HCCS: variants seen among roughly 807,000 people sequenced by gnomAD.
The protein encoded by HCCS is holocytochrome c-type synthase.
HCCS carries 2 observed loss-of-function variants against 24.2 expected under a neutral mutation model. The ratio of observed to expected loss-of-function variants is 0.08; its 90% confidence interval spans 0.03 to 0.26. HCCS has a LOEUF of 0.26. HCCS is among the 10% of genes least tolerant of loss of function. The probability of loss-of-function intolerance (pLI) is 1.00; values close to 1 mark genes in which losing one functional copy is unlikely to be tolerated. For missense variants in HCCS, 150 were observed against 213.3 expected (o/e 0.70, Z 1.85); for synonymous variants, 73 against 76.2 (o/e 0.96, Z 0.22).
intron 3 of HCCS, among the ~76,000 whole-genome samples, chrX:11,116,732 G>T (rs911406367): frequency 8.9e-6 from 1 of 112,559 alleles, no homozygotes; most frequent in African/African-American, 3.2e-5. Flanking sequence ...TGACCCACAT[G>T]TCTGGGAGAA....
rs751458949 is a variant in HCCS, at chrX:11,121,761, C to T, written c.758C>T (p.Ser253Leu). 1.7e-6 allele frequency: 2 copies of T among 1,211,045 alleles called. No individual in the cohort carries two copies. Among genetic ancestry groups the T allele is most frequent in the African/African-American group, 1.7e-5 (1 of 57,843 alleles). Residue 253 changes from serine (S) to leucine (L), a missense_variant, in exon 7 of 7, where the codon TCG (serine) becomes TTG (leucine). Ser to Leu is a moderately radical substitution (Grantham distance 145). This residue lies in a region of HCCS where 55 missense variants were observed against 134.2 expected (regional missense o/e 0.41). Coordinates refer to ENST00000380762, the MANE Select transcript of HCCS (RefSeq NM_005333.5). ...LDVRPALDSL[S>L]AVWDRMKVAW... ...GTCCGTCCTGCCTTAGATTCACTTT[C>T]GGCAGTATGGGACAGAATGAAAGTC...
intron 3 of HCCS, among the ~76,000 whole-genome samples, chrX:11,115,399 G>C (rs2045440651): frequency 8.9e-6 from 1 of 112,055 alleles, no homozygotes; most frequent in African/African-American, 3.2e-5. Flanking sequence ...CGAGTCACTA[G>C]GGTGGTTCAC....
In HCCS at chrX:11,122,883, C is replaced by G. The variant is rs1048807353; in HGVS notation, c.*1073C>G. 1 of 109,173 alleles carries G rather than the reference C, an allele frequency of 9.2e-6. No individual in the cohort carries two copies. Among genetic ancestry groups the G allele is most frequent in the Non-Finnish European group, 1.9e-5 (1 of 52,593 alleles). 9.0% of individuals were successfully genotyped at this position (109,173 alleles called of 1,213,427 possible). On this transcript the variant is annotated 3_prime_UTR_variant, in exon 7 of 7. Transcript: ENST00000380762. ...ACAAATGACTGCTTTTTTTTTTTAA[C>G]TGTCTATACTATTAAATCCTTTAAT...
chrX:11,114,910 G>T lies in HCCS; in HGVS notation c.176G>T (p.Arg59Leu). The T allele has an allele frequency of 8.3e-7, 1 of 1,203,498 alleles. No individual in the cohort carries two copies. The highest frequency in any genetic ancestry group is 1.1e-6 in the Non-Finnish European group (1 of 887,889). The stretch of plus-strand genomic sequence containing the variant: ...TACTCTGTGCCTGCCCACCAGGAAC[G>T]CGCCTATGAGTACGTGGAGTGTCCC... The part of the protein sequence containing the change: ...KTYSVPAHQE[R>L]AYEYVECPIR... Residue 59 changes from arginine to leucine, a missense_variant, in exon 3 of 7, where the codon CGC becomes CTC. Transcript: ENST00000380762.
Position 11,121,706 on chromosome X carries a change from A to G in HCCS, c.703A>G (p.Asn235Asp), listed in dbSNP as rs776931746. Residue 235 changes from asparagine (N) to aspartate (D), a missense_variant, in exon 7 of 7, where the codon AAC becomes GAC. Physicochemically the swap from Asn to Asp is conservative, Grantham distance 23. This residue lies in a region of HCCS where 55 missense variants were observed against 134.2 expected (regional missense o/e 0.41). Coordinates refer to ENST00000380762, the MANE Select transcript of HCCS (RefSeq NM_005333.5). ...TGATTATTATGATGGTGGTGAAGTCAACAAGGACTACCAGTTCACCATCCT... is the reference window on the plus strand; with the variant it reads ...TGATTATTATGATGGTGGTGAAGTCGACAAGGACTACCAGTTCACCATCCT... ...VIDYYDGGEV[N>D]KDYQFTILDV... is the part of the protein sequence containing the mutation. The G allele has an allele frequency of 8.3e-7, 1 of 1,206,262 alleles. No homozygotes were observed. The highest frequency in any genetic ancestry group is 1.1e-6 in the Non-Finnish European group (1 of 890,146).
intron 1 of HCCS, 119 bp downstream of exon 1, chrX:11,111,637 C>A: frequency 5.7e-6 from 1 of 175,823 alleles, no homozygotes; most frequent in Non-Finnish European, 1.1e-5. Context: ...CCCAGCCCCT[C>A]GCTAAGGCTC....
At position 11,121,945 on chromosome X, in the gene HCCS, G is replaced by A. The variant is rs1178800631; in HGVS notation, c.*135G>A. 32 of 527,578 alleles carry A rather than the reference G, an allele frequency of 6.1e-5. No individual in the cohort carries two copies. Among genetic ancestry groups the A allele is most frequent in the Non-Finnish European group, 1.0e-4 (31 of 307,281 alleles). 43.5% of individuals were successfully genotyped at this position (527,578 alleles called of 1,213,427 possible). A position where few individuals can be genotyped will look rare whatever the true frequency, so the allele number is the denominator to read the frequency against. ...AATCACACTTTTTCCTTCACTTAAC[G>A]AAGGATACTATGCACTGTTCACTTT... On this transcript the variant is annotated 3_prime_UTR_variant, in exon 7 of 7. Coordinates refer to ENST00000380762, the MANE Select transcript of HCCS (RefSeq NM_005333.5).
rs1054849607 is a variant in HCCS, at chrX:11,122,160, T to C, written c.*350T>C. 6 of 193,342 alleles carry C rather than the reference T, an allele frequency of 3.1e-5. No individual in the cohort carries two copies. The highest frequency in any genetic ancestry group is 5.7e-5 in the Non-Finnish European group (6 of 105,548). 15.9% of individuals were successfully genotyped at this position (193,342 alleles called of 1,213,427 possible). ...TGAAAGTTGCTTTTTTTTCTTACTA[T>C]TTTCTCAGGAATACTCCAGAGATGT... On this transcript the variant is annotated 3_prime_UTR_variant, in exon 7 of 7. Coordinates refer to ENST00000380762, the MANE Select transcript of HCCS (RefSeq NM_005333.5).
At chrX:11,118,409 A>C (rs892789284) in intron 4 of HCCS, 92 bp from the exon 5 acceptor site, 1 of 805,095 alleles carries the variant, frequency 1.2e-6, no homozygotes, top group African/African-American at 2.0e-5. Context: ...TCAAAGGGGA[A>C]TGTTGAATAA....
chrX:11,113,898 A>C (rs1325599518), intron 2 of HCCS, among the ~76,000 whole-genome samples: 1 of 112,073 alleles, frequency 8.9e-6, no homozygotes, highest in Non-Finnish European at 1.9e-5. Context: ...GGAGAAGTGC[A>C]GGGAAGGAAG....
chrX:11,119,216 G>A (rs752445534), intron 5 of HCCS, among the ~76,000 whole-genome samples: 1 of 111,964 alleles, frequency 8.9e-6, no homozygotes, highest in African/African-American at 3.2e-5. Flanking sequence ...TGCCCCAAGG[G>A]AGGTGGGAAA....
intron 5 of HCCS, 34 bp from the exon 6 acceptor site, chrX:11,120,873 T>A: frequency 9.0e-7 from 1 of 1,110,938 alleles, no homozygotes; most frequent in South Asian, 1.8e-5. Context: ...AAAGAAAATA[T>A]TTTAACAGAC....
At position 11,112,677 on chromosome X, in the gene HCCS, CATG is replaced by C. The variant is rs2045419152; in HGVS notation, c.100+523_100+525del. On this transcript the variant is annotated intron_variant, in intron 2 of 6. Transcript: ENST00000380762. Reference sequence around the variant, plus strand: ...ATATAATAATGTTTCACAGGCCTGTCATGATGATTGAGGTAGTACATGAGAACG... The same window carrying C: ...ATATAATAATGTTTCACAGGCCTGTCATGATTGAGGTAGTACATGAGAACG... Among the ~76,000 whole-genome samples, 4 of 112,841 alleles carry C rather than the reference CATG, an allele frequency of 3.5e-5. No homozygotes were observed. The South Asian group carries it at 1.5e-3, about 41-fold the overall frequency.
chrX:11,120,784 T>C, intron 5 of HCCS, 123 bp from the exon 6 acceptor site: 1 of 588,458 alleles, frequency 1.7e-6, no homozygotes, highest in Admixed American at 2.3e-5. Context: ...CCTTTCTCTG[T>C]AAATGTTATA....
At chrX:11,117,825 G>A (rs890794115) in intron 4 of HCCS, among the ~76,000 whole-genome samples, 1 of 111,816 alleles carries the variant, frequency 8.9e-6, no homozygotes, top group Non-Finnish European at 1.9e-5. Flanking sequence ...AAGTCCAAAG[G>A]CAGGAAAAGT....
At chrX:11,117,470 A>G (rs1602704035) in intron 4 of HCCS, 55 bp downstream of exon 4, 1 of 1,027,284 alleles carries the variant, frequency 9.7e-7, no homozygotes, top group Non-Finnish European at 1.4e-6. Context: ...TCCAAGAGTT[A>G]TATGCTAAAG....
chrX:11,116,851 TA>T (rs1352851319), intron 3 of HCCS, among the ~76,000 whole-genome samples: 1 of 112,659 alleles, frequency 8.9e-6, no homozygotes, highest in Non-Finnish European at 1.9e-5. Flanking sequence ...AATCTGAGAA[TA>T]TTTTTTTAAA....
chrX:11,118,818 G>A (rs2045468750), intron 5 of HCCS, among the ~76,000 whole-genome samples, 198 bp downstream of exon 5: 1 of 111,775 alleles, frequency 8.9e-6, no homozygotes, highest in African/African-American at 3.3e-5. Flanking sequence ...TGGATTCAGT[G>A]GGTCTGGGTA....
chrX:11,118,576 G>A lies in HCCS; in HGVS notation c.477G>A (p.Glu159=), dbSNP rs1007113813. The A allele has an allele frequency of 2.5e-6, 3 of 1,203,326 alleles. No homozygotes were observed. The highest frequency in any genetic ancestry group is 2.3e-6 in the Non-Finnish European group (2 of 887,703). ...TTAGAATTCACAATCAGAATAACGA[G>A]CAGGCTTGGAAGGAGATTTTGAAGT... The part of the protein sequence containing the change: ...NIIRIHNQNN[E]QAWKEILKWE... The change falls in exon 5 of 7, where the codon GAG becomes GAA. Residue 159 remains glutamate (E), a synonymous_variant. Transcript: ENST00000380762.
Sources: gnomAD v4.1 joint callset for allele counts (sites outside exome capture counted in the v4.1 genomes callset) on GRCh38, gnomAD v4.1.1 for gene constraint, gnomAD v4.1.1 regional missense constraint, MANE v1.5 for transcripts, NCBI Gene and HGNC (gene_info 2026-07-23, HGNC 2026-07-21) for gene names.